The following SUPV3L1 variants were observed in gnomAD, a reference collection of about 807,000 sequenced individuals.
The protein encoded by SUPV3L1 is ATP-dependent RNA helicase SUPV3L1, mitochondrial.
In SUPV3L1, 35 loss-of-function variants were observed where a neutral mutation model predicts 70.0. The observed-to-expected ratio is 0.50, with a 90% CI of 0.38 to 0.66. SUPV3L1 has a LOEUF of 0.66. SUPV3L1 is among the 30% of genes least tolerant of loss of function. The pLI, the probability that SUPV3L1 is intolerant of heterozygous loss-of-function variation, is 0.00. For missense variants in SUPV3L1, 777 were observed against 961.5 expected (o/e 0.81, Z 2.54); for synonymous variants, 364 against 341.9 (o/e 1.06, Z -0.71).
intron 1 of SUPV3L1, 101 bp from the exon 2 acceptor site, chr10:69,185,886 T>G: frequency 2.3e-6 from 2 of 851,260 alleles, no homozygotes; most frequent in Non-Finnish European, 4.0e-6. Context: ...GCAACACTCA[T>G]TAGACTGCTG....
Position 69,208,948 on chromosome 10 carries a change from A to G in SUPV3L1, c.2274A>G (p.Gln758=). 1 of 1,614,176 alleles carries G rather than the reference A, an allele frequency of 6.2e-7. No homozygotes were observed. The highest frequency in any genetic ancestry group is 1.1e-5 in the South Asian group (1 of 91,088). ...AGCTAGAAAAAGAGTGGATGACACAACAAACTGAACACAACAAAGAAAAAA... is the reference window on the plus strand; with the variant it reads ...AGCTAGAAAAAGAGTGGATGACACAGCAAACTGAACACAACAAAGAAAAAA... ...LKQLEKEWMT[Q]QTEHNKEKTE... Residue 758 remains glutamine, a synonymous_variant, in exon 15 of 15, where the codon CAA becomes CAG. Coordinates refer to ENST00000359655, the MANE Select transcript of SUPV3L1 (RefSeq NM_003171.5).
chr10:69,189,092 C>T (rs1196274368), intron 4 of SUPV3L1, among the ~76,000 whole-genome samples, 175 bp from the exon 5 acceptor site: 1 of 152,140 alleles, frequency 6.6e-6, no homozygotes, highest in Non-Finnish European at 1.5e-5. Flanking sequence ...AAATGCTATT[C>T]TTGGAAACCA....
rs946272211 is a variant in SUPV3L1, at chr10:69,199,147, C to T, written c.1248C>T (p.Asp416=). 5.0e-6 allele frequency: 8 copies of T among 1,612,506 alleles called. No individual in the cohort carries two copies. Among genetic ancestry groups the T allele is most frequent in the Admixed American group, 1.7e-5 (1 of 59,752 alleles). ...CAAAAAAGTTTAATGATCCCAATGA[C>T]CCATGCAAAATCTTGGTTGCTACAG... ...AQAKKFNDPN[D]PCKILVATDA... The change falls in exon 10 of 15, where the codon GAC becomes GAT. Residue 416 remains aspartate, a synonymous_variant. Transcript: ENST00000359655.
At chr10:69,195,070 G>C (rs1455253171) in intron 6 of SUPV3L1, 118 bp from the exon 7 acceptor site, 1 of 684,762 alleles carries the variant, frequency 1.5e-6, no homozygotes, top group Non-Finnish European at 2.3e-6. Flanking sequence ...CTGGAAAAGA[G>C]GAACCCAGTA....
Position 69,186,446 on chromosome 10 carries a change from G to A in SUPV3L1, c.353G>A (p.Arg118His), listed in dbSNP as rs778381042. 6 of 1,611,440 alleles carry A rather than the reference G, an allele frequency of 3.7e-6. No individual in the cohort carries two copies. The highest frequency in any genetic ancestry group is 2.2e-5 in the East Asian group (1 of 44,858). Residue 118 changes from arginine to histidine, a missense_variant, in exon 3 of 15, where the codon CGT (arginine) becomes CAT (histidine). Coordinates refer to ENST00000359655, the MANE Select transcript of SUPV3L1 (RefSeq NM_003171.5). ...TTTTCATTTTGTGTTTCTACAGCTC[G>A]TCTCTTCCACCAAGCTTTCATAAGC... ...KLGADYGLDA[R>H]LFHQAFISFR...
At chr10:69,195,077 A>G (rs1057305401) in intron 6 of SUPV3L1, 111 bp from the exon 7 acceptor site, 3 of 729,084 alleles carry the variant, frequency 4.1e-6, no homozygotes, top group Non-Finnish European at 6.5e-6. Flanking sequence ...AGAGGAACCC[A>G]GTAAGTGATG....
At chr10:69,201,768 T>C (rs1055944773) in intron 11 of SUPV3L1, among the ~76,000 whole-genome samples, 5 of 151,918 alleles carry the variant, frequency 3.3e-5, no homozygotes, top group Non-Finnish European at 7.4e-5. Context: ...TGAACTACTG[T>C]CCTCAAGTAA....
chr10:69,182,451 A>G, intron 1 of SUPV3L1: 1 of 874,018 alleles, frequency 1.1e-6, no homozygotes, highest in Non-Finnish European at 1.4e-6. Context: ...ATTTGAAGGC[A>G]TAAGGTAATT....
intron 1 of SUPV3L1, among the ~76,000 whole-genome samples, chr10:69,181,929 A>G (rs959714943): frequency 2.8e-4 from 43 of 151,826 alleles, no homozygotes; most frequent in African/African-American, 1.0e-3. Context: ...TTATACTATT[A>G]TTTATTTTTA....
chr10:69,196,897 A>G (rs1349886316), intron 7 of SUPV3L1, 95 bp from the exon 8 acceptor site: 12 of 1,026,048 alleles, frequency 1.2e-5, no homozygotes, highest in African/African-American at 9.8e-5. Flanking sequence ...TTGTAAAGCA[A>G]TATGTAAGCC....
rs1188313115 is a variant in SUPV3L1 at position 69,208,890 on chromosome 10, A to G, written c.2216A>G (p.Gln739Arg). 1 of 1,614,012 alleles carries G rather than the reference A, an allele frequency of 6.2e-7. No individual in the cohort carries two copies. The highest frequency in any genetic ancestry group is 8.5e-7 in the Non-Finnish European group (1 of 1,180,024). ...GELSLASRLV[Q>R]QGLLTPDMLK... The stretch of plus-strand genomic sequence containing the variant: ...CTGTCCCTTGCTTCCAGATTGGTGC[A>G]GCAAGGACTCCTCACTCCAGACATG... Residue 739 changes from glutamine to arginine, a missense_variant, in exon 15 of 15, where the codon CAG (glutamine) becomes CGG (arginine). This residue lies in a region of SUPV3L1 where 619 missense variants were observed against 823.3 expected (regional missense o/e 0.75). Transcript: ENST00000359655.
intron 1 of SUPV3L1, among the ~76,000 whole-genome samples, chr10:69,185,516 T>G (rs1842197509): frequency 1.3e-5 from 2 of 151,338 alleles, no homozygotes; most frequent in African/African-American, 4.9e-5. Flanking sequence ...TTTTTTTTTT[T>G]TTTGAGACGG....
At chr10:69,183,947 G>T (rs571126392) in intron 1 of SUPV3L1, among the ~76,000 whole-genome samples, 3 of 146,042 alleles carry the variant, frequency 2.1e-5, no homozygotes, top group Admixed American at 6.9e-5. Flanking sequence ...TGCCTGTTTT[G>T]TGTATTTCAT....
chr10:69,187,466 G>C (rs1459113591), intron 3 of SUPV3L1, 176 bp from the exon 4 acceptor site: 5 of 427,726 alleles, frequency 1.2e-5, no homozygotes, highest in Middle Eastern at 6.9e-4. Flanking sequence ...CATCCTTCCA[G>C]GTCAGCTTTC....
At chr10:69,204,168 A>G (rs527467506) in intron 13 of SUPV3L1, among the ~76,000 whole-genome samples, 1 of 152,354 alleles carries the variant, frequency 6.6e-6, no homozygotes, top group South Asian at 2.1e-4. Flanking sequence ...GAAGAAATCT[A>G]CATAAGTGGT....
At chr10:69,184,865 A>G (rs941896672) in intron 1 of SUPV3L1, among the ~76,000 whole-genome samples, 4 of 152,232 alleles carry the variant, frequency 2.6e-5, no homozygotes, top group Non-Finnish European at 5.9e-5. Flanking sequence ...TTTCATGGGT[A>G]AAGGCTGTGT....
chr10:69,180,241 T>A lies in SUPV3L1; in HGVS notation c.-51T>A. ...CAGGCGCTGGAGGTGCGCGTCACTG[T>A]CCGCCGCCGTGTCCGCGGCTGCGCC... On this transcript the variant is annotated 5_prime_UTR_variant, in exon 1 of 15. Transcript: ENST00000359655. 6.3e-7 allele frequency: 1 copy of A among 1,576,446 alleles called. No homozygotes were observed. Among genetic ancestry groups the A allele is most frequent in the Non-Finnish European group, 8.6e-7 (1 of 1,160,714 alleles).
intron 13 of SUPV3L1, among the ~76,000 whole-genome samples, chr10:69,204,255 C>T (rs536248861): frequency 2.6e-5 from 4 of 152,224 alleles, no homozygotes; most frequent in South Asian, 2.1e-4. Context: ...TCTCACCTCC[C>T]GCCCTATTTC....
chr10:69,182,658 AT>A (rs1842097166), intron 1 of SUPV3L1: 6 of 985,226 alleles, frequency 6.1e-6, no homozygotes, highest in Non-Finnish European at 7.2e-6. Flanking sequence ...GTGCCAGGTG[AT>A]TTTTCATCTC....
Sources: gnomAD v4.1 joint callset for allele counts (sites outside exome capture counted in the v4.1 genomes callset) on GRCh38, gnomAD v4.1.1 for gene constraint, gnomAD v4.1.1 regional missense constraint, MANE v1.5 for transcripts, NCBI Gene and HGNC (gene_info 2026-07-23, HGNC 2026-07-21) for gene names.